The following TSKS variants were observed in gnomAD, a reference collection of about 807,000 sequenced individuals.
The protein encoded by TSKS is testis specific serine kinase substrate.
A neutral mutation model predicts 68.0 loss-of-function variants in TSKS; 27 were observed. That is an observed-to-expected ratio of 0.40 (90% CI 0.29 to 0.55). The LOEUF (loss-of-function observed/expected upper bound fraction) is 0.55, where lower values mean the gene tolerates loss of function less well. Ranked by LOEUF, TSKS falls within the 20% of genes least tolerant of loss-of-function variation. TSKS has a pLI of 0.53. For missense variants in TSKS, 806 were observed against 776.0 expected (o/e 1.04, Z -0.46); for synonymous variants, 331 against 340.4 (o/e 0.97, Z 0.30).
rs1263197469 is a variant in TSKS, at chr19:49,744,292, C to T, written c.1300G>A (p.Gly434Arg). 6.2e-7 allele frequency: 1 copy of T among 1,614,128 alleles called. No individual in the cohort carries two copies. The highest frequency in any genetic ancestry group is 1.7e-5 in the Admixed American group (1 of 59,994). ...FGRQFQNSRR[G>R]PDLSMNLDRS... ...TCCAGGTTCATGGAGAGGTCAGGCCCTCTTCGAGAGTTCTGAAATTGCCGC... is the reference window on the plus strand; with the variant it reads ...TCCAGGTTCATGGAGAGGTCAGGCCTTCTTCGAGAGTTCTGAAATTGCCGC... The change falls in exon 8 of 11, where the codon GGG (glycine) becomes AGG (arginine). Residue 434 changes from glycine (G) to arginine (R), a missense_variant. Coordinates refer to ENST00000246801, the MANE Select transcript of TSKS (RefSeq NM_021733.2).
chr19:49,761,940 G>C, intron 2 of TSKS, 64 bp downstream of exon 2: 1 of 1,388,084 alleles, frequency 7.2e-7, no homozygotes, highest in Non-Finnish European at 1.0e-6. Context: ...CCCGTCCTAA[G>C]TATTTGCTAC....
In TSKS at chr19:49,746,455, C is replaced by G; in HGVS notation, c.992+15G>C. ...CGATCTCGTTTTCGAGGCTCCGCCCCTAGGTCCCGCCCACCTCAGCTCTTC... is the reference window on the plus strand; with the variant it reads ...CGATCTCGTTTTCGAGGCTCCGCCCGTAGGTCCCGCCCACCTCAGCTCTTC... On this transcript the variant is annotated intron_variant, in intron 6 of 10. Transcript: ENST00000246801. The G allele has an allele frequency of 6.2e-7, 1 of 1,613,012 alleles. No homozygotes were observed. Among genetic ancestry groups the G allele is most frequent in the African/African-American group, 1.3e-5 (1 of 74,980 alleles).
intron 7 of TSKS, 88 bp downstream of exon 7, chr19:49,745,114 G>T: frequency 7.5e-7 from 1 of 1,324,750 alleles, no homozygotes; most frequent in Non-Finnish European, 1.0e-6. Flanking sequence ...ATAGCTGATT[G>T]GCCTACCCAT....
intron 2 of TSKS, among the ~76,000 whole-genome samples, chr19:49,751,798 C>T (rs1017487320): frequency 2.7e-5 from 4 of 150,376 alleles, no homozygotes; most frequent in African/African-American, 7.4e-5. Flanking sequence ...CACAGTGGCT[C>T]ACACCTGTAA....
intron 2 of TSKS, among the ~76,000 whole-genome samples, chr19:49,752,796 A>G (rs959687686): frequency 7.9e-5 from 12 of 152,240 alleles, no homozygotes; most frequent in African/African-American, 2.9e-4. Context: ...GTAGAAAGCC[A>G]TTGGCCTGTG....
Position 49,747,388 on chromosome 19 carries a change from C to T in TSKS, c.663+1G>A. The T allele has an allele frequency of 6.2e-7, 1 of 1,614,204 alleles. No homozygotes were observed. Among genetic ancestry groups the T allele is most frequent in the Non-Finnish European group, 8.5e-7 (1 of 1,180,036 alleles). On this transcript the variant is annotated splice_donor_variant, in intron 5 of 10. Transcript: ENST00000246801. LOFTEE classifies it high-confidence loss of function. Reference sequence around the variant, plus strand: ...TCCTGGGACTGCCCCCTAGCCCTTACCTCCAGCAGGGCAGAATTCTGCTTC... The same window carrying T: ...TCCTGGGACTGCCCCCTAGCCCTTATCTCCAGCAGGGCAGAATTCTGCTTC...
rs2084302460 is a variant in TSKS, at chr19:49,746,533, C to G, written c.929G>C (p.Gly310Ala). 6.2e-7 allele frequency: 1 copy of G among 1,613,626 alleles called. No individual in the cohort carries two copies. Among genetic ancestry groups the G allele is most frequent in the Non-Finnish European group, 8.5e-7 (1 of 1,179,934 alleles). Residue 310 changes from glycine (G) to alanine (A), a missense_variant, in exon 6 of 11, where the codon GGC (glycine) becomes GCC (alanine). Coordinates refer to ENST00000246801, the MANE Select transcript of TSKS (RefSeq NM_021733.2). ...PAGWGMGPRA[G>A]EGPYVSEQEL... ...CTGCTCGCTCACGTAGGGGCCCTCG[C>G]CAGCCCGAGGCCCCATTCCCCAGCC...
At chr19:49,758,397 C>A (rs2084410950) in intron 2 of TSKS, among the ~76,000 whole-genome samples, 1 of 152,210 alleles carries the variant, frequency 6.6e-6, no homozygotes, top group Non-Finnish European at 1.5e-5. Flanking sequence ...CACTCCCCTG[C>A]AGCCCCACAG....
chr19:49,742,712 G>A (rs866117496), intron 8 of TSKS, among the ~76,000 whole-genome samples: 2 of 151,278 alleles, frequency 1.3e-5, no homozygotes, highest in Non-Finnish European at 2.9e-5. Context: ...TGGCCAGGCC[G>A]GTCTTAAACT....
chr19:49,760,526 G>A (rs966693759), intron 2 of TSKS, among the ~76,000 whole-genome samples: 1 of 151,858 alleles, frequency 6.6e-6, no homozygotes, highest in African/African-American at 2.4e-5. Context: ...TAGTAGAGAC[G>A]GGGTTTCACC....
Position 49,746,507 on chromosome 19 carries a change from C to T in TSKS, c.955G>A (p.Glu319Lys). 6.2e-7 allele frequency: 1 copy of T among 1,613,958 alleles called. No individual in the cohort carries two copies. The highest frequency in any genetic ancestry group is 8.5e-7 in the Non-Finnish European group (1 of 1,179,960). Residue 319 changes from glutamate to lysine, a missense_variant, in exon 6 of 11, where the codon GAA (glutamate) becomes AAA (lysine). Transcript: ENST00000246801. ...AGEGPYVSEQ[E>K]LQKLFTGIEE... ...ATGCCGGTGAACAGCTTCTGCAATT[C>T]CTGCTCGCTCACGTAGGGGCCCTCG...
Position 49,746,531 on chromosome 19 carries a change from C to G in TSKS, c.931G>C (p.Glu311Gln), listed in dbSNP as rs1297398824. ...AGWGMGPRAG[E>Q]GPYVSEQELQ... ...TCCTGCTCGCTCACGTAGGGGCCCT[C>G]GCCAGCCCGAGGCCCCATTCCCCAG... The change falls in exon 6 of 11, where the codon GAG becomes CAG. Residue 311 changes from glutamate to glutamine, a missense_variant. By Grantham distance (29) the Glu-to-Gln change is conservative (BLOSUM62 2). Coordinates refer to ENST00000246801, the MANE Select transcript of TSKS (RefSeq NM_021733.2). 2 of 1,613,750 alleles carry G rather than the reference C, an allele frequency of 1.2e-6. No individual in the cohort carries two copies. Among genetic ancestry groups the G allele is most frequent in the Admixed American group, 1.7e-5 (1 of 60,024 alleles).
At chr19:49,757,914 TAG>T (rs1164634609) in intron 2 of TSKS, among the ~76,000 whole-genome samples, 1 of 146,760 alleles carries the variant, frequency 6.8e-6, no homozygotes, top group Non-Finnish European at 1.5e-5. Context: ...TTTTTTGAGA[TAG>T]AGTCTCACTC....
chr19:49,746,882 T>C (rs2084307262), intron 5 of TSKS, 84 bp from the exon 6 acceptor site: 2 of 1,533,682 alleles, frequency 1.3e-6, no homozygotes. Flanking sequence ...GCTCCAGTAC[T>C]CCCCGAGATT....
chr19:49,760,664 C>T (rs1393016772), intron 2 of TSKS, among the ~76,000 whole-genome samples: 2 of 151,168 alleles, frequency 1.3e-5, no homozygotes, highest in Non-Finnish European at 2.9e-5. Context: ...CAGGTGTGTG[C>T]CTGTGGTCCC....
rs1483966981 is a variant in TSKS at position 49,739,784 on chromosome 19, C to G, written c.1771G>C (p.Glu591Gln). ...CTAGCATGAGAGGCCATTTATTGTT[C>G]AGGGGCTGAGCCCCCCTGTTTTGGG... ...TPPKQGGSAPEQ is the reference protein window; with the variant it reads ...TPPKQGGSAPQQ Residue 591 changes from glutamate to glutamine, a missense_variant, in exon 11 of 11, where the codon GAA becomes CAA. Physicochemically the swap from Glu to Gln is conservative, Grantham distance 29. Coordinates refer to ENST00000246801, the MANE Select transcript of TSKS (RefSeq NM_021733.2). 1 of 1,454,686 alleles carries G rather than the reference C, an allele frequency of 6.9e-7. No individual in the cohort carries two copies. The allele number at this position is 1,454,686 out of a possible 1,614,324, so 90.1% of individuals were successfully genotyped here. A position where few individuals can be genotyped will look rare whatever the true frequency, so the allele number is the denominator to read the frequency against.
chr19:49,745,267 G>T lies in TSKS; in HGVS notation c.1122C>A (p.Arg374=). The stretch of plus-strand genomic sequence containing the variant: ...AGTCCCGCGCCGTCTGTGCCTGTTC[G>T]CGCTGTGCCCGCTCCCACTGGCCTA... The part of the protein sequence containing the change: ...GFLGQWERAQ[R]EQAQTARDLQ... Residue 374 remains arginine, a synonymous_variant, in exon 7 of 11, where the codon CGC becomes CGA. Transcript: ENST00000246801. 6.2e-7 allele frequency: 1 copy of T among 1,607,810 alleles called. No individual in the cohort carries two copies.
intron 6 of TSKS, 61 bp from the exon 7 acceptor site, chr19:49,745,457 C>T (rs927425813): frequency 8.0e-6 from 11 of 1,369,836 alleles, no homozygotes; most frequent in African/African-American, 1.4e-5. Flanking sequence ...CCACCTACCC[C>T]CACGAGATAG....
intron 9 of TSKS, among the ~76,000 whole-genome samples, chr19:49,740,975 G>A (rs941392000): frequency 3.3e-5 from 5 of 151,872 alleles, no homozygotes; most frequent in African/African-American, 9.7e-5. Context: ...TCAGGAGATC[G>A]AGATCATCCT....
Sources: allele counts gnomAD v4.1 joint callset (sites outside exome capture counted in the v4.1 genomes callset), GRCh38; gene constraint gnomAD v4.1.1; transcripts MANE v1.5; gene names NCBI Gene and HGNC (gene_info 2026-07-23, HGNC 2026-07-21).